FBXO34: variants seen among roughly 807,000 people sequenced by gnomAD.
FBXO34 encodes F-box protein 34, also known as F-box only protein 34.
FBXO34 carries 12 observed loss-of-function variants against 24.5 expected under a neutral mutation model. The ratio of observed to expected loss-of-function variants is 0.49; its 90% confidence interval spans 0.31 to 0.79. FBXO34 has a LOEUF of 0.79. FBXO34 is among the 30% of genes least tolerant of loss of function. The pLI, the probability that FBXO34 is intolerant of heterozygous loss-of-function variation, is 0.04. For synonymous variants in FBXO34, 320 were observed against 311.9 expected, an observed-to-expected ratio of 1.03 and a Z score of -0.27; for missense variants, 823 against 857.7, an observed-to-expected ratio of 0.96 and a Z score of 0.51.
At chr14:55,372,662 C>T (rs555098400), downstream of FBXO34, among the ~76,000 whole-genome samples, 1 of 152,078 alleles carries the variant, frequency 6.6e-6, no homozygotes, top group South Asian at 2.1e-4. Context: ...CTTGCTCCTT[C>T]CTTCGCTCCT....
In FBXO34 at chr14:55,300,270, C is replaced by T. The variant is rs558450550; in HGVS notation, c.-11+28733C>T. Among the ~76,000 whole-genome samples, 159 of 152,266 alleles carry T rather than the reference C, an allele frequency of 1.0e-3. 1 individual carries two copies. Among genetic ancestry groups the T allele is most frequent in the Non-Finnish European group, 1.7e-3 (117 of 68,034 alleles). On this transcript the variant is annotated intron_variant, in intron 1 of 1. Transcript: ENST00000313833. ...CTTTAGTCTATAGTCCATTTTACTACCTCTCTTTGGTAATGTTTTTTGTTC... is the reference window on the plus strand; with the variant it reads ...CTTTAGTCTATAGTCCATTTTACTATCTCTCTTTGGTAATGTTTTTTGTTC...
the FBXO34 span, among the ~76,000 whole-genome samples, chr14:55,403,499 A>G: frequency 6.6e-6 from 1 of 152,226 alleles, no homozygotes; most frequent in Non-Finnish European, 1.5e-5. Context: ...TTGTTTGTAA[A>G]ATAGTAAATA....
the FBXO34 span, among the ~76,000 whole-genome samples, chr14:55,421,584 C>A: frequency 1.3e-5 from 2 of 152,198 alleles, no homozygotes; most frequent in African/African-American, 2.4e-5. Context: ...CTGCCTCAGC[C>A]TCCCAAGTAG....
At position 55,351,957 on chromosome 14, in the gene FBXO34, G is replaced by A. The variant is rs1884401517; in HGVS notation, c.1567G>A (p.Glu523Lys). The change falls in exon 2 of 2, where the codon GAA (glutamate) becomes AAA (lysine). Residue 523 changes from glutamate to lysine, a missense_variant. Glu to Lys is a moderately conservative substitution (Grantham distance 56). Transcript: ENST00000313833. The stretch of plus-strand genomic sequence containing the variant: ...TGCTGGGGGTGACAGTGCATCTGAG[G>A]AAAAAAGTGGGTCTGCTGAGCCATT... ...DAAGGDSASE[E>K]KSGSAEPFVL... 4 of 1,613,806 alleles carry A rather than the reference G, an allele frequency of 2.5e-6. No individual in the cohort carries two copies. In the East Asian group the frequency reaches 8.9e-5, roughly 36 times the overall value.
At chr14:55,323,017 C>CAAAAAAAAAAAAAAAA (rs1444620301) in intron 1 of FBXO34, among the ~76,000 whole-genome samples, 46 of 40,802 alleles carry the variant, frequency 1.1e-3, no homozygotes, top group Non-Finnish European at 1.5e-3. Flanking sequence ...ACTAAAAATA[C>CAAAAAAAAAAAAAAAA]AAAAAAAAAA....
At chr14:55,337,921 A>AG (rs1883840123) in intron 1 of FBXO34, among the ~76,000 whole-genome samples, 1 of 152,094 alleles carries the variant, frequency 6.6e-6, no homozygotes, top group African/African-American at 2.4e-5. Context: ...GTAAGAGCGT[A>AG]GGCTTTGACT....
chr14:55,279,970 C>G (rs528287200), intron 1 of FBXO34, among the ~76,000 whole-genome samples: 259 of 152,324 alleles, frequency 1.7e-3, no homozygotes, highest in African/African-American at 6.0e-3. Context: ...GTGAAACTTT[C>G]ATTTGCATTT....
chr14:55,382,240 G>C, the FBXO34 span: 18 of 1,564,806 alleles, frequency 1.2e-5, no homozygotes, highest in Admixed American at 3.4e-5. Flanking sequence ...GGGTTTTTAA[G>C]GGCATGCAAT....
intron 1 of FBXO34, among the ~76,000 whole-genome samples, chr14:55,287,256 A>T (rs2139666426): frequency 6.6e-6 from 1 of 152,156 alleles, no homozygotes; most frequent in Non-Finnish European, 1.5e-5. Context: ...ACAATATTTT[A>T]AATAATTTTG....
the FBXO34 span, chr14:55,428,959 T>A: frequency 6.2e-7 from 1 of 1,614,102 alleles, no homozygotes; most frequent in Non-Finnish European, 8.5e-7. Flanking sequence ...TTGCTGCAAG[T>A]CGAGACTGCT....
At chr14:55,414,408 G>T in the FBXO34 span, 1 of 1,609,070 alleles carries the variant, frequency 6.2e-7, no homozygotes, top group Non-Finnish European at 8.5e-7. Context: ...TTTAGAATAG[G>T]ATAGATGTTT....
chr14:55,404,558 G>A, the FBXO34 span, among the ~76,000 whole-genome samples: 3 of 152,132 alleles, frequency 2.0e-5, no homozygotes, highest in South Asian at 4.1e-4. Context: ...CAAAAGAGAC[G>A]AGATTATGAA....
At chr14:55,440,353 C>T in the FBXO34 span, 2 of 1,609,792 alleles carry the variant, frequency 1.2e-6, no homozygotes, top group Admixed American at 1.7e-5. Context: ...CAGGACCGGG[C>T]GGGACTTGGG....
At chr14:55,277,299 C>A (rs1003248381) in intron 1 of FBXO34, among the ~76,000 whole-genome samples, 1 of 151,998 alleles carries the variant, frequency 6.6e-6, no homozygotes, top group African/African-American at 2.4e-5. Context: ...AGAACATAGC[C>A]CTTGCTATAT....
intron 1 of FBXO34, among the ~76,000 whole-genome samples, chr14:55,340,403 T>C (rs79832715): frequency 3.4e-5 from 2 of 59,090 alleles, no homozygotes; most frequent in Non-Finnish European, 9.2e-5. Flanking sequence ...ATGCTTGGCT[T>C]TTTTTTTTTT....
Position 55,298,877 on chromosome 14 carries a change from G to A in FBXO34, c.-11+27340G>A. 7 of 1,606,348 alleles carry A rather than the reference G, an allele frequency of 4.4e-6. No individual in the cohort carries two copies. The South Asian group carries it at 7.7e-5, about 18-fold the overall frequency. Reference sequence around the variant, plus strand: ...TCGACGGTACATTATCAACCATCGAGTTCCAGCAGCAGGCCCTGGAGAATG... The same window carrying A: ...TCGACGGTACATTATCAACCATCGAATTCCAGCAGCAGGCCCTGGAGAATG... On this transcript the variant is annotated intron_variant, in intron 1 of 1. Coordinates refer to ENST00000313833, the MANE Select transcript of FBXO34 (RefSeq NM_017943.4).
At chr14:55,342,631 T>C (rs987794662) in intron 1 of FBXO34, among the ~76,000 whole-genome samples, 2 of 152,210 alleles carry the variant, frequency 1.3e-5, no homozygotes, top group Non-Finnish European at 2.9e-5. Flanking sequence ...AAGTCTTTTC[T>C]TGTGCCTCTG....
At chr14:55,286,425 A>G (rs562847280) in intron 1 of FBXO34, among the ~76,000 whole-genome samples, 10 of 151,286 alleles carry the variant, frequency 6.6e-5, no homozygotes, top group Admixed American at 6.6e-4. Flanking sequence ...AAATAATGCT[A>G]AATTTTAATT....
intron 1 of FBXO34, among the ~76,000 whole-genome samples, chr14:55,338,369 G>A (rs972862485): frequency 2.6e-5 from 4 of 151,784 alleles, no homozygotes; most frequent in African/African-American, 7.3e-5. Context: ...TCTTTTATGG[G>A]TATTGTGACC....
Sources: gnomAD v4.1 joint callset for allele counts (sites outside exome capture counted in the v4.1 genomes callset) on GRCh38, gnomAD v4.1.1 for gene constraint, MANE v1.5 for transcripts, NCBI Gene and HGNC (gene_info 2026-07-23, HGNC 2026-07-21) for gene names.